SFI1: variants seen among roughly 807,000 people sequenced by gnomAD.
The protein encoded by SFI1 is protein SFI1 homolog.
Under a neutral mutation model 207.5 loss-of-function variants are expected in SFI1, and 195 were observed. The ratio of observed to expected loss-of-function variants is 0.94; its 90% confidence interval spans 0.84 to 1.06. The LOEUF is 1.06. Among genes scored for constraint, SFI1 ranks in the 50% least tolerant of loss-of-function variants. SFI1 has a pLI of 0.00. For synonymous variants in SFI1, 630 were observed against 598.9 expected (o/e 1.05, Z -0.76); for missense variants, 1,634 against 1,588.0 (o/e 1.03, Z -0.49).
intron 10 of SFI1, 102 bp downstream of exon 10, chr22:31,575,494 C>G: frequency 3.2e-6 from 4 of 1,232,582 alleles, no homozygotes; most frequent in Non-Finnish European, 4.4e-6. Flanking sequence ...AAACAATTGC[C>G]AAACGATTCA....
intron 15 of SFI1, among the ~76,000 whole-genome samples, chr22:31,593,394 G>A (rs1428259209): frequency 3.6e-5 from 5 of 139,616 alleles, no homozygotes; most frequent in African/African-American, 1.3e-4. Flanking sequence ...CATCTCAGAC[G>A]ATGGGCGGCC....
intron 11 of SFI1, among the ~76,000 whole-genome samples, chr22:31,579,089 A>G (rs1419856139): frequency 6.6e-6 from 1 of 152,160 alleles, no homozygotes; most frequent in Non-Finnish European, 1.5e-5. Flanking sequence ...CCTCCTGAGT[A>G]GCTGGGACTA....
intron 4 of SFI1, among the ~76,000 whole-genome samples, chr22:31,541,798 A>G (rs1047621184): frequency 6.7e-6 from 1 of 149,776 alleles, no homozygotes; most frequent in African/African-American, 2.5e-5. Context: ...AGTCTTTCAA[A>G]TATTATAGAA....
At chr22:31,530,853 T>C (rs913371929) in intron 3 of SFI1, 1 of 563,136 alleles carries the variant, frequency 1.8e-6, no homozygotes, top group Admixed American at 3.2e-5. Context: ...AAATATTTTT[T>C]AAAAATAATC....
At chr22:31,598,901 C>T (rs1156936284) in intron 15 of SFI1, among the ~76,000 whole-genome samples, 6 of 146,452 alleles carry the variant, frequency 4.1e-5, no homozygotes, top group Non-Finnish European at 6.0e-5. Flanking sequence ...TCAAGCAACT[C>T]TCCTGCCTCA....
intron 17 of SFI1, 121 bp downstream of exon 17, chr22:31,602,906 A>G (rs774498488): frequency 8.8e-7 from 1 of 1,133,712 alleles, no homozygotes; most frequent in Non-Finnish European, 1.2e-6. Flanking sequence ...TCTGGTTGTA[A>G]GTTCTGGAAG....
chr22:31,579,219 C>T (rs1353958423), intron 11 of SFI1, among the ~76,000 whole-genome samples: 1 of 152,078 alleles, frequency 6.6e-6, no homozygotes, highest in African/African-American at 2.4e-5. Context: ...TCATAGCTTG[C>T]TGCAGCCTTG....
chr22:31,568,585 A>G (rs2062643367), intron 8 of SFI1, among the ~76,000 whole-genome samples: 1 of 150,618 alleles, frequency 6.6e-6, no homozygotes, highest in South Asian at 2.1e-4. Context: ...GTAATATAGC[A>G]TTTAGTATCC....
chr22:31,597,336 G>A (rs1454500171), intron 15 of SFI1, among the ~76,000 whole-genome samples: 1 of 152,174 alleles, frequency 6.6e-6, no homozygotes, highest in African/African-American at 2.4e-5. Flanking sequence ...GACGGTGTAG[G>A]CCTGATCTAG....
At chr22:31,603,961 A>G in intron 18 of SFI1, 142 bp downstream of exon 18, 1 of 852,260 alleles carries the variant, frequency 1.2e-6, no homozygotes, top group Non-Finnish European at 1.8e-6. Flanking sequence ...GAAAGTGTTA[A>G]CTCAGTTTTA....
Position 31,546,837 on chromosome 22 carries a change from T to G in SFI1, c.339-24T>G, listed in dbSNP as rs758794376. 3.5e-6 allele frequency: 5 copies of G among 1,431,776 alleles called. No homozygotes were observed. In the African/African-American group the frequency reaches 7.1e-5, roughly 20 times the overall value. The allele number at this position is 1,431,776 out of a possible 1,614,324, so 88.7% of individuals were successfully genotyped here. ...GTTAGCTCCAACATCATCATATATA[T>G]ATATGATTTTTTTTTTGCCGTAGAT... On this transcript the variant is annotated intron_variant, in intron 4 of 32. Coordinates refer to ENST00000400288, the MANE Select transcript of SFI1 (RefSeq NM_001007467.3).
chr22:31,536,104 T>A (rs1242874721), intron 4 of SFI1, among the ~76,000 whole-genome samples: 1 of 152,154 alleles, frequency 6.6e-6, no homozygotes, highest in Non-Finnish European at 1.5e-5. Context: ...CAAATTTTTT[T>A]CTACCCGTGG....
Position 31,550,346 on chromosome 22 carries a change from A to G in SFI1, c.542A>G (p.His181Arg). ...AACAAGTACATTAGAGCCGAGGTTC[A>G]TGGTGAGAAAAAGAAGTCCATGTCT... ...MRNKYIRAEVHDAKQKMRQAW... is the reference protein window; with the variant it reads ...MRNKYIRAEVRDAKQKMRQAW... The change falls in exon 6 of 33, where the codon CAT (histidine) becomes CGT (arginine). Residue 181 changes from histidine (H) to arginine (R), a missense_variant and splice_region_variant. Coordinates refer to ENST00000400288, the MANE Select transcript of SFI1 (RefSeq NM_001007467.3). 1 of 1,613,740 alleles carries G rather than the reference A, an allele frequency of 6.2e-7. No individual in the cohort carries two copies. The highest frequency in any genetic ancestry group is 8.5e-7 in the Non-Finnish European group (1 of 1,179,688).
intron 15 of SFI1, among the ~76,000 whole-genome samples, chr22:31,591,113 G>A (rs1158460421): frequency 6.6e-6 from 1 of 152,012 alleles, no homozygotes. Flanking sequence ...AGGACCCTGC[G>A]GCCTTCCGCA....
At position 31,513,890 on chromosome 22, in the gene SFI1, T is replaced by C. The variant is rs1467564476; in HGVS notation, c.92+5514T>C. Among the ~76,000 whole-genome samples the C allele has an allele frequency of 2.0e-5, 3 of 151,594 alleles. No individual in the cohort carries two copies. The East Asian group carries it at 6.0e-4, about 30-fold the overall frequency. ...CACTGGCCCGGCCAATCCCAGCACT[T>C]TCAGAGGCTGAGGCGGGTGGATTAC... On this transcript the variant is annotated intron_variant, in intron 2 of 32. Transcript: ENST00000400288.
At chr22:31,548,071 T>TTGGCTAGGCGTGGTGGCAGGCGCC (rs1485973344) in intron 5 of SFI1, among the ~76,000 whole-genome samples, 1 of 150,782 alleles carries the variant, frequency 6.6e-6, no homozygotes, top group Non-Finnish European at 1.5e-5. Context: ...AAAAACAAAA[T>TTGGCTAGGCGTGGTGGCAGGCGCC]TGGCTAGGCG....
At chr22:31,531,239 C>T (rs1233248097) in intron 4 of SFI1, 110 bp downstream of exon 4, 2 of 828,868 alleles carry the variant, frequency 2.4e-6, no homozygotes, top group Admixed American at 5.0e-5. Flanking sequence ...CATTCCTCCC[C>T]AGCCTCCAGT....
At chr22:31,574,299 T>C (rs1457196589) in intron 9 of SFI1, among the ~76,000 whole-genome samples, 1 of 152,198 alleles carries the variant, frequency 6.6e-6, no homozygotes, top group Non-Finnish European at 1.5e-5. Flanking sequence ...AGTTGCCCAG[T>C]CCTGGAATGT....
intron 27 of SFI1, chr22:31,614,235 G>A (rs2070946321): frequency 2.9e-6 from 1 of 345,128 alleles, no homozygotes; most frequent in East Asian, 6.1e-5. Context: ...CTCCATCACA[G>A]CCAAGACACT....
Sources: gnomAD v4.1 joint callset for allele counts (sites outside exome capture counted in the v4.1 genomes callset) on GRCh38, gnomAD v4.1.1 for gene constraint, MANE v1.5 for transcripts, NCBI Gene and HGNC (gene_info 2026-07-23, HGNC 2026-07-21) for gene names.